SEPTIN4: variants seen among roughly 807,000 people sequenced by gnomAD.
SEPTIN4 encodes the protein septin-4.
SEPTIN4 carries 52 observed loss-of-function variants against 107.1 expected under a neutral mutation model. The observed-to-expected ratio is 0.49, with a 90% CI of 0.39 to 0.61. SEPTIN4 has a LOEUF of 0.61. Among genes scored for constraint, SEPTIN4 ranks in the 20% least tolerant of loss-of-function variants. The pLI, the probability that SEPTIN4 is intolerant of heterozygous loss-of-function variation, is 0.00. For missense variants in SEPTIN4, 1,048 were observed against 1,243.5 expected (o/e 0.84, Z 2.36); for synonymous variants, 417 against 467.0 (o/e 0.89, Z 1.38).
At chr17:58,526,999 A>C in intron 3 of SEPTIN4, 21 bp from the exon 4 acceptor site, 1 of 1,613,806 alleles carries the variant, frequency 6.2e-7, no homozygotes, top group Non-Finnish European at 8.5e-7. Context: ...CGGGGTGGGT[A>C]GAATAGATGG....
Position 58,532,168 on chromosome 17 carries a change from T to A in SEPTIN4, c.1615-5190A>T, listed in dbSNP as rs1598307986. 8.4e-6 allele frequency: 8 copies of A among 948,506 alleles called. No individual in the cohort carries two copies. The South Asian group carries it at 1.5e-4, about 18-fold the overall frequency. 58.8% of individuals were successfully genotyped at this position (948,506 alleles called of 1,614,324 possible). On this transcript the variant is annotated intron_variant, in intron 3 of 13. Transcript: ENST00000672673. The stretch of plus-strand genomic sequence containing the variant: ...AGCTGCTAGCGGTGCCGGCGCGAAG[T>A]GGGTCGGGGTGCCCAGCTGGGGGCC...
At position 58,541,950 on chromosome 17, in the gene SEPTIN4, C is replaced by G. The variant is rs777586281; in HGVS notation, c.1578G>C (p.Met526Ile). 6.2e-7 allele frequency: 1 copy of G among 1,614,052 alleles called. No homozygotes were observed. The highest frequency in any genetic ancestry group is 8.5e-7 in the Non-Finnish European group (1 of 1,180,000). The change falls in exon 2 of 14, where the codon ATG (methionine) becomes ATC (isoleucine). Residue 526 changes from methionine (M) to isoleucine (I), a missense_variant. Coordinates refer to ENST00000672673, the MANE Select transcript of SEPTIN4 (RefSeq NM_001368771.2). ...TTAGCCACCAGATGACACGATTGTA[C>G]ATTTCCTCAGAGACATCTGAAAGTA... is the stretch of plus-strand genomic sequence containing the variant. ...TAFFLDVSEE[M>I]YNRVIWWLKD...
In SEPTIN4 at chr17:58,520,728, C is replaced by T; in HGVS notation, c.2931+15G>A. On this transcript the variant is annotated intron_variant, in intron 13 of 13. Transcript: ENST00000672673. ...TCAAACAGGAGACCTCCCCTATACC[C>T]CATACTGCTCTCACCTCCTCATCTT... The T allele has an allele frequency of 6.2e-7, 1 of 1,613,992 alleles. No individual in the cohort carries two copies. The highest frequency in any genetic ancestry group is 1.1e-5 in the South Asian group (1 of 90,958).
At position 58,526,675 on chromosome 17, in the gene SEPTIN4, G is replaced by A; in HGVS notation, c.1911+7C>T. On this transcript the variant is annotated splice_region_variant and intron_variant, in intron 4 of 13. Transcript: ENST00000672673. ...CTGAAAGGCAAAGGCAGGGCTGGAG[G>A]CTCTACCTCAGAGGAATCATAGGGA... 1 of 1,554,122 alleles carries A rather than the reference G, an allele frequency of 6.4e-7. No homozygotes were observed. Among genetic ancestry groups the A allele is most frequent in the South Asian group, 1.2e-5 (1 of 80,282 alleles).
chr17:58,532,101 C>T, intron 3 of SEPTIN4: 5 of 1,067,650 alleles, frequency 4.7e-6, no homozygotes, highest in Non-Finnish European at 5.7e-6. Context: ...GGCCCGGCGG[C>T]GGGGGCGGAG....
At chr17:58,531,110 T>C (rs553090289) in intron 3 of SEPTIN4, 1 of 152,400 alleles carries the variant, frequency 6.6e-6, no homozygotes, top group East Asian at 1.9e-4. Context: ...CTTACGTTAT[T>C]TGTGGCAGGC....
In SEPTIN4 at chr17:58,521,605, T is replaced by C. The variant is rs374274766; in HGVS notation, c.2511A>G (p.Gln837=). Residue 837 remains glutamine (Q), a synonymous_variant, in exon 10 of 14, where the codon CAA becomes CAG. Coordinates refer to ENST00000672673, the MANE Select transcript of SEPTIN4 (RefSeq NM_001368771.2). The surrounding 1 kb of genome is among the most constrained non-coding windows in gnomAD (Gnocchi z 6.4). ...CCTCATCAGAGTCACAGTCTGGGAA[T>C]TGATAGATCTTGATTCCAAAATGCT... The part of the protein sequence containing the change: ...EIEHFGIKIY[Q]FPDCDSDEDE... The C allele has an allele frequency of 6.8e-5, 109 of 1,614,118 alleles. No individual in the cohort carries two copies. Among genetic ancestry groups the C allele is most frequent in the Non-Finnish European group, 5.2e-5 (61 of 1,180,048 alleles).
intron 3 of SEPTIN4, chr17:58,531,860 G>A: frequency 6.6e-6 from 7 of 1,059,510 alleles, no homozygotes; most frequent in Non-Finnish European, 8.1e-6. Context: ...CTGCACAGCC[G>A]CGGCTGCGGT....
Position 58,543,602 on chromosome 17 carries a change from A to G in SEPTIN4, c.585T>C (p.Ser195=). 6.2e-7 allele frequency: 1 copy of G among 1,614,196 alleles called. No homozygotes were observed. The highest frequency in any genetic ancestry group is 8.5e-7 in the Non-Finnish European group (1 of 1,180,030). Reference sequence around the variant, plus strand: ...TTTGTACTGCTTCATCCTTTGGGTAAGACAAAATCCTACGGGGAACTCTGA... The same window carrying G: ...TTTGTACTGCTTCATCCTTTGGGTAGGACAAAATCCTACGGGGAACTCTGA... ...QGVRVPRRIL[S]YPKDEAVQTE... The change falls in exon 1 of 14, where the codon TCT becomes TCC. Residue 195 remains serine (S), a synonymous_variant. Coordinates refer to ENST00000672673, the MANE Select transcript of SEPTIN4 (RefSeq NM_001368771.2).
Position 58,538,773 on chromosome 17 carries a change from AT to A in SEPTIN4, c.1614+1892del, listed in dbSNP as rs1278918409. On this transcript the variant is annotated intron_variant, in intron 3 of 13. Coordinates refer to ENST00000672673, the MANE Select transcript of SEPTIN4 (RefSeq NM_001368771.2). This position sits in a 1 kb window ranked among gnomAD's most constrained non-coding sequence, Gnocchi z 4.7. Reference sequence around the variant, plus strand: ...TTAGACAAAAGGGCTTTGAGGGGCCATTTGGGAAGGGACTGACACTTAAAGA... The same window carrying A: ...TTAGACAAAAGGGCTTTGAGGGGCCATTGGGAAGGGACTGACACTTAAAGA... 5.3e-5 allele frequency among the ~76,000 whole-genome samples: 8 copies of A among 152,300 alleles called. No homozygotes were observed. Among genetic ancestry groups the A allele is most frequent in the Non-Finnish European group, 7.4e-5 (5 of 68,004 alleles).
chr17:58,523,298 C>CG (rs2042474191), intron 7 of SEPTIN4, among the ~76,000 whole-genome samples: 1 of 150,532 alleles, frequency 6.6e-6, no homozygotes, highest in African/African-American at 2.4e-5. Context: ...TAACCTGAGC[C>CG]CGGGGAGCCC....
At chr17:58,529,012 G>T in intron 3 of SEPTIN4, 1 of 1,410,220 alleles carries the variant, frequency 7.1e-7, no homozygotes, top group Non-Finnish European at 1.0e-6. Context: ...CCCACTCCCA[G>T]CTCTGCCAGT....
chr17:58,522,699 A>G (rs1317032482), intron 7 of SEPTIN4, among the ~76,000 whole-genome samples: 2 of 151,782 alleles, frequency 1.3e-5, no homozygotes, highest in African/African-American at 4.8e-5. Context: ...AAAGAATAGC[A>G]AGGTGGCTGC....
Position 58,521,676 on chromosome 17 carries a change from T to C in SEPTIN4, c.2470-30A>G. The C allele has an allele frequency of 1.2e-6, 2 of 1,614,242 alleles. No homozygotes were observed. The highest frequency in any genetic ancestry group is 1.7e-6 in the Non-Finnish European group (2 of 1,180,032). Reference sequence around the variant, plus strand: ...CAAACAGATGAGGGGCCCACAGTTCTGGGGACCACATCCTTTCTAGAAGCC... The same window carrying C: ...CAAACAGATGAGGGGCCCACAGTTCCGGGGACCACATCCTTTCTAGAAGCC... On this transcript the variant is annotated intron_variant, in intron 9 of 13. Coordinates refer to ENST00000672673, the MANE Select transcript of SEPTIN4 (RefSeq NM_001368771.2). This position sits in a 1 kb window ranked among gnomAD's most constrained non-coding sequence, Gnocchi z 6.4.
chr17:58,521,230 C>A lies in SEPTIN4; in HGVS notation c.2668+24G>T. On this transcript the variant is annotated intron_variant, in intron 11 of 13. Transcript: ENST00000672673. This position sits in a 1 kb window ranked among gnomAD's most constrained non-coding sequence, Gnocchi z 6.4. ...GAGCCACTGAGGGCAAGGAGATACC[C>A]TGGTCACAGGCTCAGTGCTTTACCT... 1 of 1,614,172 alleles carries A rather than the reference C, an allele frequency of 6.2e-7. No homozygotes were observed. The highest frequency in any genetic ancestry group is 8.5e-7 in the Non-Finnish European group (1 of 1,179,982).
In SEPTIN4 at chr17:58,521,980, G is replaced by A; in HGVS notation, c.2338C>T (p.Pro780Ser). 1 of 1,614,242 alleles carries A rather than the reference G, an allele frequency of 6.2e-7. No homozygotes were observed. Among genetic ancestry groups the A allele is most frequent in the Non-Finnish European group, 8.5e-7 (1 of 1,180,042 alleles). ...CTTGGACCATACCCATGGCCGAAGG[G>A]TGAGATGAAGTACAGGCAGCAGTGC... Reference protein sequence around the residue: ...RVHCCLYFISPFGHGLRPLDV... With the variant: ...RVHCCLYFISSFGHGLRPLDV... The change falls in exon 8 of 14, where the codon CCC becomes TCC. Residue 780 changes from proline (P) to serine (S), a missense_variant. This residue lies in a region of SEPTIN4 where 261 missense variants were observed against 371.7 expected (regional missense o/e 0.70). Coordinates refer to ENST00000672673, the MANE Select transcript of SEPTIN4 (RefSeq NM_001368771.2). This position sits in a 1 kb window ranked among gnomAD's most constrained non-coding sequence, Gnocchi z 6.4.
At chr17:58,527,862 T>C in intron 3 of SEPTIN4, 1 of 985,758 alleles carries the variant, frequency 1.0e-6, no homozygotes, top group Non-Finnish European at 1.2e-6. Flanking sequence ...CGAGAGGGCC[T>C]GGCCTGAACC....
At chr17:58,520,961 C>G (rs772117547) in intron 12 of SEPTIN4, 37 bp downstream of exon 12, 2 of 1,612,628 alleles carry the variant, frequency 1.2e-6, no homozygotes, top group Non-Finnish European at 1.7e-6. Context: ...GGCTTGGGAT[C>G]TCCCCCTGCC....
intron 12 of SEPTIN4, 26 bp downstream of exon 12, chr17:58,520,972 A>G (rs768927472): frequency 2.5e-6 from 4 of 1,613,314 alleles, no homozygotes; most frequent in Non-Finnish European, 3.4e-6. Flanking sequence ...TCCCCCTGCC[A>G]GCTTTGTCCT....
Sources: gnomAD v4.1 joint callset for allele counts (sites outside exome capture counted in the v4.1 genomes callset) on GRCh38, gnomAD v4.1.1 for gene constraint, gnomAD v4.1.1 regional missense constraint, Gnocchi (gnomAD v3.1) non-coding constraint, MANE v1.5 for transcripts, NCBI Gene and HGNC (gene_info 2026-07-23, HGNC 2026-07-21) for gene names.